Variants in ITGB5 observed in about 807,000 individuals in gnomAD.
The protein encoded by ITGB5 is integrin subunit beta 5, also known as integrin beta-5.
Under a neutral mutation model 84.8 loss-of-function variants are expected in ITGB5, and 38 were observed. That is an observed-to-expected ratio of 0.45 (90% CI 0.35 to 0.59). The LOEUF (loss-of-function observed/expected upper bound fraction) is 0.59, where lower values mean the gene tolerates loss of function less well. Ranked by LOEUF, ITGB5 falls within the 20% of genes least tolerant of loss-of-function variation. ITGB5 has a pLI of 0.01. For synonymous variants in ITGB5, 393 were observed against 414.4 expected, an observed-to-expected ratio of 0.95 and a Z score of 0.63; for missense variants, 905 against 1,034.5, an observed-to-expected ratio of 0.87 and a Z score of 1.72.
intron 4 of ITGB5, among the ~76,000 whole-genome samples, chr3:124,846,150 G>A (rs1215565477): frequency 1.3e-5 from 2 of 152,174 alleles, no homozygotes; most frequent in Non-Finnish European, 2.9e-5. Flanking sequence ...GTATACAGAA[G>A]GATCTGGAGG....
rs1292998101 is a variant in ITGB5, at chr3:124,865,477, TTTTC to T, written c.157-6035_157-6032del. Among the ~76,000 whole-genome samples the T allele has an allele frequency of 2.2e-3, 161 of 74,828 alleles. 3 individuals carry two copies. The highest frequency in any genetic ancestry group is 7.7e-3 in the African/African-American group (129 of 16,830). The allele number at this position is 74,828 out of a possible 152,430, so 49.1% of individuals were successfully genotyped here. A position where few individuals can be genotyped will look rare whatever the true frequency, so the allele number is the denominator to read the frequency against. ...AAAGTTGAAGTGTCCTTTGCGGCTT[TTTTC>T]TTTTTTTTTTTTTTTTTTTTTGAGA... On this transcript the variant is annotated intron_variant, in intron 2 of 14. Transcript: ENST00000296181.
Position 124,763,666 on chromosome 3 carries a change from G to T in ITGB5, c.2357C>A (p.Thr786Asn). Residue 786 changes from threonine to asparagine, a missense_variant, in exon 15 of 15, where the codon ACC becomes AAC. Thr to Asn is a moderately conservative substitution (Grantham distance 65). Transcript: ENST00000296181. ...KPISTHTVDF[T>N]FNKFNKSYNG... ...GTAGGATTTGTTGAACTTGTTGAAG[G>T]TGAAGTCCACAGTGTGCGTGGAGAT... The T allele has an allele frequency of 6.2e-7, 1 of 1,609,960 alleles. No individual in the cohort carries two copies. Among genetic ancestry groups the T allele is most frequent in the Admixed American group, 1.7e-5 (1 of 60,008 alleles).
chr3:124,801,217 C>T (rs901231969), intron 9 of ITGB5, among the ~76,000 whole-genome samples: 4 of 152,220 alleles, frequency 2.6e-5, no homozygotes, highest in South Asian at 2.1e-4. Flanking sequence ...GCTAGCCTCA[C>T]AGCCAGCCAC....
intron 1 of ITGB5, among the ~76,000 whole-genome samples, chr3:124,881,199 G>A (rs779333233): frequency 7.9e-5 from 12 of 151,942 alleles, no homozygotes; most frequent in Non-Finnish European, 1.3e-4. Flanking sequence ...GGCCAGGGTG[G>A]TCTCGAACTC....
At chr3:124,843,872 T>C (rs1447321813) in intron 4 of ITGB5, among the ~76,000 whole-genome samples, 4 of 151,992 alleles carry the variant, frequency 2.6e-5, no homozygotes, top group African/African-American at 7.2e-5. Flanking sequence ...AAAAATAAAA[T>C]ATATATGGTT....
At chr3:124,768,925 GCA>G in intron 12 of ITGB5, 86 bp downstream of exon 12, 1 of 968,962 alleles carries the variant, frequency 1.0e-6, no homozygotes, top group Non-Finnish European at 1.6e-6. Context: ...GGAAGCCTGG[GCA>G]GTGCCTCCTG....
Position 124,848,542 on chromosome 3 carries a change from G to T in ITGB5, c.378C>A (p.Phe126Leu), listed in dbSNP as rs757751531. ...CCTCCACCTGGCGAACCTGTAGCTG[G>T]AAGGTGGTCTTGTCACCTGCACCAA... ...VNLRPGDKTT[F>L]QLQVRQVEDY... Residue 126 changes from phenylalanine (F) to leucine (L), a missense_variant, in exon 4 of 15, where the codon TTC (phenylalanine) becomes TTA (leucine). Physicochemically the swap from Phe to Leu is conservative, Grantham distance 22 (BLOSUM62 0). Around this residue, in one of 3 missense-constraint regions of ITGB5, gnomAD observed 656 missense variants for 734.7 expected, o/e 0.89. Coordinates refer to ENST00000296181, the MANE Select transcript of ITGB5 (RefSeq NM_002213.5). 2 of 1,612,502 alleles carry T rather than the reference G, an allele frequency of 1.2e-6. No homozygotes were observed. Among genetic ancestry groups the T allele is most frequent in the Non-Finnish European group, 1.7e-6 (2 of 1,179,740 alleles).
chr3:124,770,134 A>C (rs949813005), intron 11 of ITGB5: 3 of 152,324 alleles, frequency 2.0e-5, no homozygotes, highest in African/African-American at 7.2e-5. Flanking sequence ...CTGATGTTCA[A>C]GGGGAGAGGT....
At chr3:124,812,606 T>C (rs535060536) in intron 8 of ITGB5, among the ~76,000 whole-genome samples, 2 of 152,334 alleles carry the variant, frequency 1.3e-5, no homozygotes, top group Admixed American at 1.3e-4. Context: ...GCTCCACGGC[T>C]GAGCTCAGGA....
chr3:124,873,382 C>G, intron 2 of ITGB5, 64 bp downstream of exon 2: 1 of 1,116,550 alleles, frequency 9.0e-7, no homozygotes, highest in Non-Finnish European at 1.4e-6. Flanking sequence ...TGGTGTTGGC[C>G]TCCTTCTCAC....
chr3:124,822,650 CA>C (rs1301743387), intron 5 of ITGB5, among the ~76,000 whole-genome samples: 1 of 152,158 alleles, frequency 6.6e-6, no homozygotes, highest in Non-Finnish European at 1.5e-5. Flanking sequence ...GACTGACAGC[CA>C]GGAGACCTAC....
At chr3:124,782,839 C>T (rs1342007282) in intron 10 of ITGB5, among the ~76,000 whole-genome samples, 1 of 149,692 alleles carries the variant, frequency 6.7e-6, no homozygotes, top group South Asian at 2.1e-4. Context: ...CTAGCTTGGG[C>T]GACAAGAGTG....
At chr3:124,855,901 A>G (rs965217871) in intron 3 of ITGB5, among the ~76,000 whole-genome samples, 1 of 152,212 alleles carries the variant, frequency 6.6e-6, no homozygotes, top group African/African-American at 2.4e-5. Context: ...ATTGAGTTTT[A>G]TGCATAAATA....
At chr3:124,816,712 G>A (rs1170389431) in intron 8 of ITGB5, among the ~76,000 whole-genome samples, 1 of 152,182 alleles carries the variant, frequency 6.6e-6, no homozygotes, top group African/African-American at 2.4e-5. Context: ...AGGGAAAGGA[G>A]GGTAGGAAAG....
chr3:124,876,715 C>T (rs1243163700), intron 1 of ITGB5, among the ~76,000 whole-genome samples: 1 of 152,182 alleles, frequency 6.6e-6, no homozygotes, highest in African/African-American at 2.4e-5. Flanking sequence ...GAACCCTAGG[C>T]CTCCTCATCC....
chr3:124,856,467 TTCC>T (rs1213135465), intron 3 of ITGB5, among the ~76,000 whole-genome samples: 2 of 152,188 alleles, frequency 1.3e-5, no homozygotes, highest in African/African-American at 4.8e-5. Context: ...AATTAAAACC[TTCC>T]TCCACAATGG....
chr3:124,888,069 C>G (rs1934909044), upstream of ITGB5, among the ~76,000 whole-genome samples: 2 of 151,866 alleles, frequency 1.3e-5, no homozygotes, highest in African/African-American at 4.8e-5. Context: ...GCGCGCGCCA[C>G]CACACCCGGA....
intron 4 of ITGB5, among the ~76,000 whole-genome samples, chr3:124,845,720 C>T (rs922245167): frequency 8.5e-5 from 13 of 152,128 alleles, no homozygotes; most frequent in Middle Eastern, 3.2e-3. Flanking sequence ...TCTAGTGTCT[C>T]GGTCAGTGGA....
intron 8 of ITGB5, among the ~76,000 whole-genome samples, chr3:124,811,227 G>A (rs576110456): frequency 6.6e-6 from 1 of 152,264 alleles, no homozygotes; most frequent in East Asian, 1.9e-4. Context: ...ACCATGTTGT[G>A]AAGTCCAAGG....
Sources: allele counts gnomAD v4.1 joint callset (sites outside exome capture counted in the v4.1 genomes callset), GRCh38; gene constraint gnomAD v4.1.1; regional missense constraint gnomAD v4.1.1; transcripts MANE v1.5; gene names NCBI Gene and HGNC (gene_info 2026-07-23, HGNC 2026-07-21).